Variants in CDH12 observed in about 807,000 individuals in gnomAD.
CDH12 encodes the protein cadherin 12.
A neutral mutation model predicts 74.1 loss-of-function variants in CDH12; 41 were observed. The observed-to-expected ratio is 0.55, with a 90% CI of 0.43 to 0.72. The LOEUF (loss-of-function observed/expected upper bound fraction) is 0.72, where lower values mean the gene tolerates loss of function less well. Ranked by LOEUF, CDH12 falls within the 30% of genes least tolerant of loss-of-function variation. The pLI is 0.00. For synonymous variants in CDH12, 399 were observed against 355.0 expected, an observed-to-expected ratio of 1.12 and a Z score of -1.39; for missense variants, 945 against 977.2, an observed-to-expected ratio of 0.97 and a Z score of 0.44.
chr5:22,387,829 AT>A (rs1742065270), intron 3 of CDH12, among the ~76,000 whole-genome samples: 1 of 152,156 alleles, frequency 6.6e-6, no homozygotes, highest in African/African-American at 2.4e-5. Flanking sequence ...AAATGCCTAT[AT>A]CTGCTCCCAG....
At chr5:22,712,518 C>A (rs879914747) in intron 1 of CDH12, among the ~76,000 whole-genome samples, 23 of 152,068 alleles carry the variant, frequency 1.5e-4, no homozygotes, top group Admixed American at 6.6e-4. Flanking sequence ...CCTGATGAAA[C>A]TCTCCATGAT....
intron 3 of CDH12, among the ~76,000 whole-genome samples, chr5:22,335,524 G>T (rs897974485): frequency 6.6e-6 from 1 of 151,988 alleles, no homozygotes. Context: ...GGCAGAGCTT[G>T]CAGTGAGCTG....
chr5:22,824,302 T>C (rs1749889775), intron 1 of CDH12, among the ~76,000 whole-genome samples: 1 of 152,064 alleles, frequency 6.6e-6, no homozygotes, highest in South Asian at 2.1e-4. Flanking sequence ...CTCAAGCATA[T>C]ATTTAAGATG....
chr5:22,518,893 G>A (rs1736923201), intron 1 of CDH12, among the ~76,000 whole-genome samples: 1 of 152,122 alleles, frequency 6.6e-6, no homozygotes, highest in Non-Finnish European at 1.5e-5. Context: ...GTATTACTGT[G>A]CAACTGTCTT....
chr5:22,223,527 A>C (rs2150370095), intron 3 of CDH12, among the ~76,000 whole-genome samples: 1 of 152,152 alleles, frequency 6.6e-6, no homozygotes, highest in South Asian at 2.1e-4. Flanking sequence ...ATTCAGTAAA[A>C]AGATTTTATG....
chr5:21,872,471 C>A (rs1377560630), intron 6 of CDH12, among the ~76,000 whole-genome samples: 1 of 152,142 alleles, frequency 6.6e-6, no homozygotes, highest in African/African-American at 2.4e-5. Context: ...TATGGTGTTG[C>A]CTTCTTTATA....
intron 6 of CDH12, among the ~76,000 whole-genome samples, chr5:21,954,097 T>C (rs1371443659): frequency 6.7e-6 from 1 of 150,128 alleles, no homozygotes; most frequent in Non-Finnish European, 1.5e-5. Context: ...AATCAGAATA[T>C]ATAATACTGT....
In CDH12 at chr5:22,199,774, CACA is replaced by C. The variant is rs576186259; in HGVS notation, c.-187+12721_-187+12723del. Among the ~76,000 whole-genome samples the C allele has an allele frequency of 2.3e-3, 356 of 152,286 alleles. 2 individuals are homozygous for C. Among genetic ancestry groups the C allele is most frequent in the African/African-American group, 8.3e-3 (343 of 41,558 alleles). On this transcript the variant is annotated intron_variant, in intron 4 of 14. Coordinates refer to ENST00000382254, the MANE Select transcript of CDH12 (RefSeq NM_004061.5). ...ATTATGTTCCCCCTTGGACACTAGTCACAACATTTTTCTTTGCATTCTTTTTCT... is the reference window on the plus strand; with the variant it reads ...ATTATGTTCCCCCTTGGACACTAGTCACATTTTTCTTTGCATTCTTTTTCT...
rs528063571 is a variant in CDH12 at position 21,969,818 on chromosome 5, T to C, written c.526+5273A>G. 1.8e-3 allele frequency among the ~76,000 whole-genome samples: 270 copies of C among 152,100 alleles called. 3 individuals are homozygous for C. Among genetic ancestry groups the C allele is most frequent in the African/African-American group, 6.0e-3 (247 of 41,512 alleles). ...TAACCATCATCAGTAATGAGACAAATCAAAAACCATGGCCCACCCAATAGA... is the reference window on the plus strand; with the variant it reads ...TAACCATCATCAGTAATGAGACAAACCAAAAACCATGGCCCACCCAATAGA... On this transcript the variant is annotated intron_variant, in intron 6 of 14. Transcript: ENST00000382254.
chr5:22,750,900 T>G (rs1423994884), intron 1 of CDH12, among the ~76,000 whole-genome samples: 1 of 144,288 alleles, frequency 6.9e-6, no homozygotes, highest in Admixed American at 7.0e-5. Context: ...TGGTATTTAA[T>G]GTTAGGAAAT....
chr5:22,458,893 G>T (rs1332173542), intron 2 of CDH12, among the ~76,000 whole-genome samples: 2 of 151,846 alleles, frequency 1.3e-5, no homozygotes, highest in African/African-American at 4.8e-5. Flanking sequence ...CTGGTTTGGG[G>T]TTTTGTTTTG....
At chr5:22,577,750 TC>T (rs756494647) in intron 1 of CDH12, among the ~76,000 whole-genome samples, 172 of 152,328 alleles carry the variant, frequency 1.1e-3, no homozygotes, top group Non-Finnish European at 1.8e-3. Flanking sequence ...ACTGTTATTA[TC>T]CCAAGTTTTC....
chr5:21,860,156 T>C (rs1750967673), intron 6 of CDH12, among the ~76,000 whole-genome samples: 1 of 152,086 alleles, frequency 6.6e-6, no homozygotes, highest in African/African-American at 2.4e-5. Flanking sequence ...CATGAATACT[T>C]TTTCTTTATT....
Position 22,153,345 on chromosome 5 carries a change from C to T in CDH12, c.-187+59153G>A, listed in dbSNP as rs371129040. Reference sequence around the variant, plus strand: ...GCTGATTTTGATGCATTTTTAAGACCCCCCTCCCATCCCGTGTGATGTTCC... The same window carrying T: ...GCTGATTTTGATGCATTTTTAAGACTCCCCTCCCATCCCGTGTGATGTTCC... On this transcript the variant is annotated intron_variant, in intron 4 of 14. Coordinates refer to ENST00000382254, the MANE Select transcript of CDH12 (RefSeq NM_004061.5). 3.3e-5 allele frequency among the ~76,000 whole-genome samples: 5 copies of T among 151,162 alleles called. No homozygotes were observed. The South Asian group carries it at 6.3e-4, about 19-fold the overall frequency.
chr5:21,871,692 A>C (rs1370780024), intron 6 of CDH12, among the ~76,000 whole-genome samples: 1 of 152,170 alleles, frequency 6.6e-6, no homozygotes, highest in Non-Finnish European at 1.5e-5. Context: ...GCACCACTGC[A>C]CTCCAGCTTA....
intron 1 of CDH12, among the ~76,000 whole-genome samples, chr5:22,819,071 A>C (rs1481801400): frequency 1.3e-5 from 2 of 152,192 alleles, no homozygotes; most frequent in Non-Finnish European, 1.5e-5. Flanking sequence ...AAAAAATCTG[A>C]AAAATGAATC....
chr5:22,476,359 AC>A lies in CDH12; in HGVS notation c.-428+28910del, dbSNP rs1466070099. Among the ~76,000 whole-genome samples the A allele has an allele frequency of 6.5e-4, 99 of 152,250 alleles. 2 individuals are homozygous for A. The highest frequency in any genetic ancestry group is 2.4e-3 in the African/African-American group (99 of 41,574). ...TGTTTTATTGTTTATTGAATGGTAC[AC>A]ATCATTCATATTAAATAGTACAATT... On this transcript the variant is annotated intron_variant, in intron 2 of 14. Coordinates refer to ENST00000382254, the MANE Select transcript of CDH12 (RefSeq NM_004061.5).
At chr5:22,369,177 C>CT (rs1297728254) in intron 3 of CDH12, among the ~76,000 whole-genome samples, 1 of 150,370 alleles carries the variant, frequency 6.7e-6, no homozygotes, top group Non-Finnish European at 1.5e-5. Flanking sequence ...ATAAAAACAT[C>CT]TTTTGAAATT....
At chr5:22,283,898 G>C (rs1737025246) in intron 3 of CDH12, among the ~76,000 whole-genome samples, 1 of 151,992 alleles carries the variant, frequency 6.6e-6, no homozygotes, top group Non-Finnish European at 1.5e-5. Flanking sequence ...AATTTTAATA[G>C]ATTTTGGGAA....
Sources: allele counts gnomAD v4.1 joint callset (sites outside exome capture counted in the v4.1 genomes callset), GRCh38; gene constraint gnomAD v4.1.1; transcripts MANE v1.5; gene names NCBI Gene and HGNC (gene_info 2026-07-23, HGNC 2026-07-21).